The following GSTCD variants were observed in gnomAD, a reference collection of about 807,000 sequenced individuals.
The protein encoded by GSTCD is glutathione S-transferase C-terminal domain containing, also known as glutathione S-transferase C-terminal domain-containing protein.
A neutral mutation model predicts 68.3 loss-of-function variants in GSTCD; 44 were observed. The observed-to-expected ratio is 0.64, with a 90% CI of 0.51 to 0.83. The LOEUF is 0.83. Ranked by LOEUF, GSTCD falls within the 40% of genes least tolerant of loss-of-function variation. The probability of loss-of-function intolerance (pLI) is 0.00; values close to 1 mark genes in which losing one functional copy is unlikely to be tolerated. For synonymous variants in GSTCD, 273 were observed against 255.2 expected (o/e 1.07, Z -0.67); for missense variants, 739 against 735.9 (o/e 1.00, Z -0.05).
intron 5 of GSTCD, among the ~76,000 whole-genome samples, chr4:105,751,133 C>T (rs919134581): frequency 1.3e-5 from 2 of 152,042 alleles, no homozygotes; most frequent in African/African-American, 4.8e-5. Flanking sequence ...CAGTATTGCA[C>T]TAATAATGAT....
chr4:105,756,195 G>T (rs930939323), intron 5 of GSTCD, among the ~76,000 whole-genome samples: 6 of 152,134 alleles, frequency 3.9e-5, no homozygotes, highest in African/African-American at 1.2e-4. Context: ...ACATGGCTGT[G>T]TTCACCAGTG....
chr4:105,710,232 ATTTTTTTTT>A (rs761574598), intron 1 of GSTCD, among the ~76,000 whole-genome samples: 1 of 85,722 alleles, frequency 1.2e-5, no homozygotes, highest in Non-Finnish European at 2.0e-5. Flanking sequence ...GGGCCCATCA[ATTTTTTTTT>A]TTTTTTTTTT....
chr4:105,825,904 T>G (rs945502665), intron 8 of GSTCD, 104 bp downstream of exon 8: 10 of 627,886 alleles, frequency 1.6e-5, no homozygotes, highest in Non-Finnish European at 2.7e-5. Flanking sequence ...GCCAAACAAA[T>G]TTATAATTTT....
chr4:105,814,337 G>C (rs1442592295), intron 5 of GSTCD, among the ~76,000 whole-genome samples: 1 of 152,180 alleles, frequency 6.6e-6, no homozygotes, highest in Admixed American at 6.5e-5. Flanking sequence ...TGCTGGCCAG[G>C]CGTGGTGGCT....
In GSTCD at chr4:105,726,739, A is replaced by G. The variant is rs1159092756; in HGVS notation, c.1055A>G (p.Gln352Arg). 1.2e-6 allele frequency: 2 copies of G among 1,613,880 alleles called. No individual in the cohort carries two copies. Among genetic ancestry groups the G allele is most frequent in the Non-Finnish European group, 1.7e-6 (2 of 1,179,906 alleles). Residue 352 changes from glutamine to arginine, a missense_variant, in exon 4 of 12, where the codon CAG becomes CGG. By Grantham distance (43) the Gln-to-Arg change is conservative. Coordinates refer to ENST00000515279, the MANE Select transcript of GSTCD (RefSeq NM_001370181.1). ...LPKLLTTSTE[Q>R]HPNLCEVPGV... ...AAGTTGTTGACAACCTCAACTGAAC[A>G]GCATCCAAACTTATGTGAAGTCCCA...
At chr4:105,740,336 C>A (rs1733592738) in intron 5 of GSTCD, among the ~76,000 whole-genome samples, 1 of 151,956 alleles carries the variant, frequency 6.6e-6, no homozygotes, top group Middle Eastern at 3.2e-3. Flanking sequence ...TTTTGCTAGC[C>A]TTTCCCCACG....
chr4:105,767,747 A>G (rs10516526), intron 5 of GSTCD, among the ~76,000 whole-genome samples: 8,167 of 152,196 alleles, frequency 0.054, 252 homozygotes, highest in Middle Eastern at 0.14. Context: ...AATGAACTAT[A>G]TTGAAAGATC....
intron 5 of GSTCD, among the ~76,000 whole-genome samples, chr4:105,746,889 A>G (rs1208859677): frequency 1.3e-5 from 2 of 152,216 alleles, no homozygotes; most frequent in African/African-American, 4.8e-5. Flanking sequence ...TTCAATAAAA[A>G]GTCTGTGTGC....
At chr4:105,784,377 C>A (rs1273330477) in intron 5 of GSTCD, among the ~76,000 whole-genome samples, 1 of 152,182 alleles carries the variant, frequency 6.6e-6, no homozygotes, top group African/African-American at 2.4e-5. Flanking sequence ...AGGGACCAGA[C>A]TAGCTTTATA....
chr4:105,731,580 A>G (rs557616194), intron 5 of GSTCD, among the ~76,000 whole-genome samples: 90 of 152,324 alleles, frequency 5.9e-4, no homozygotes, highest in Non-Finnish European at 1.2e-3. Flanking sequence ...TTGATTTTGT[A>G]TCCTGTGACT....
intron 5 of GSTCD, among the ~76,000 whole-genome samples, chr4:105,782,074 C>T (rs1735295075): frequency 6.6e-6 from 1 of 152,152 alleles, no homozygotes; most frequent in East Asian, 1.9e-4. Flanking sequence ...ACAAGGTCTG[C>T]AACCTCTGTA....
In GSTCD at chr4:105,834,474, C is replaced by T. The variant is rs369491040; in HGVS notation, c.1544C>T (p.Ala515Val). The T allele has an allele frequency of 8.1e-6, 13 of 1,613,798 alleles. No individual in the cohort carries two copies. The African/African-American group carries it at 1.7e-4, about 22-fold the overall frequency. Residue 515 changes from alanine to valine, a missense_variant, in exon 9 of 12, where the codon GCT becomes GTT. Ala to Val is a moderately conservative substitution (Grantham distance 64). Transcript: ENST00000515279. ...GMFNIGVALH[A>V]CGVATDMVIE... The stretch of plus-strand genomic sequence containing the variant: ...TTTATTTTGTAGGTAGCATTGCATG[C>T]TTGTGGAGTGGCAACAGACATGGTG...
chr4:105,722,148 A>G (rs1732875902), intron 3 of GSTCD, among the ~76,000 whole-genome samples: 1 of 152,096 alleles, frequency 6.6e-6, no homozygotes, highest in African/African-American at 2.4e-5. Flanking sequence ...TTAACTTCTA[A>G]TGCTTTGAAT....
intron 5 of GSTCD, among the ~76,000 whole-genome samples, chr4:105,762,900 T>G (rs1400630047): frequency 6.6e-6 from 1 of 152,188 alleles, no homozygotes; most frequent in Non-Finnish European, 1.5e-5. Flanking sequence ...TTGAAGAGAC[T>G]TAATTCTCCC....
chr4:105,816,555 T>C (rs948952485), intron 5 of GSTCD, among the ~76,000 whole-genome samples: 2 of 152,074 alleles, frequency 1.3e-5, no homozygotes, highest in Admixed American at 1.3e-4. Context: ...CTTGAAAATT[T>C]TATTTAGAGG....
intron 5 of GSTCD, among the ~76,000 whole-genome samples, chr4:105,733,915 G>A (rs1317369873): frequency 5.9e-5 from 9 of 152,182 alleles, no homozygotes; most frequent in Non-Finnish European, 1.2e-4. Flanking sequence ...TTGCTTGTCT[G>A]TAACGGATTT....
intron 5 of GSTCD, among the ~76,000 whole-genome samples, chr4:105,757,841 C>A (rs191188320): frequency 3.9e-4 from 59 of 151,904 alleles, no homozygotes; most frequent in African/African-American, 1.4e-3. Context: ...AGGTTATAGT[C>A]AAAAAAAGAC....
chr4:105,818,841 C>T (rs1047692746), intron 5 of GSTCD, among the ~76,000 whole-genome samples: 7 of 151,598 alleles, frequency 4.6e-5, no homozygotes, highest in Non-Finnish European at 8.9e-5. Flanking sequence ...TTAATGAGTT[C>T]AATTGATTCC....
At chr4:105,804,125 T>C (rs1488483857) in intron 5 of GSTCD, among the ~76,000 whole-genome samples, 3 of 152,062 alleles carry the variant, frequency 2.0e-5, no homozygotes, top group African/African-American at 4.8e-5. Flanking sequence ...ATTTTAGTTA[T>C]CTGGTAGTAT....
Sources: allele counts gnomAD v4.1 joint callset (sites outside exome capture counted in the v4.1 genomes callset), GRCh38; gene constraint gnomAD v4.1.1; transcripts MANE v1.5; gene names NCBI Gene and HGNC (gene_info 2026-07-23, HGNC 2026-07-21).